The following SYNE1 variants were observed in gnomAD, a reference collection of about 807,000 sequenced individuals.
SYNE1 encodes the protein nesprin-1.
A neutral mutation model predicts 1,111.0 loss-of-function variants in SYNE1; 616 were observed. That is an observed-to-expected ratio of 0.55 (90% confidence interval 0.52 to 0.59). SYNE1 has a LOEUF of 0.59. Among genes scored for constraint, SYNE1 ranks in the 20% least tolerant of loss-of-function variants. SYNE1 has a pLI of 0.00. For missense variants in SYNE1, 10,006 were observed against 10,417.0 expected (o/e 0.96, Z 1.72); for synonymous variants, 3,855 against 3,825.8 (o/e 1.01, Z -0.28).
intron 95 of SYNE1, among the ~76,000 whole-genome samples, chr6:152,292,332 A>G (rs747899404): frequency 1.3e-5 from 2 of 152,178 alleles, no homozygotes; most frequent in African/African-American, 2.4e-5. Flanking sequence ...TCGTGCTTTC[A>G]TAGCATCCTC....
Position 152,294,117 on chromosome 6 carries a change from T to TA in SYNE1, c.17692dup (p.Tyr5898LeufsTer8). 6.2e-7 allele frequency: 1 copy of TA among 1,613,644 alleles called. No individual in the cohort carries two copies. The highest frequency in any genetic ancestry group is 8.5e-7 in the Non-Finnish European group (1 of 1,180,006). On this transcript the variant is annotated frameshift_variant, in exon 94 of 146. Coordinates refer to ENST00000367255, the MANE Select transcript of SYNE1 (RefSeq NM_182961.4). LOFTEE classifies it high-confidence loss of function. The stretch of plus-strand genomic sequence containing the variant: ...CCTCTCAGCAGACAAGGCTTGGTAA[T>TA]ATGCAATGTCCTGTGAGTGCAAAGC...
chr6:152,396,077 A>C (rs2097726965), intron 50 of SYNE1, among the ~76,000 whole-genome samples: 1 of 152,220 alleles, frequency 6.6e-6, no homozygotes, highest in African/African-American at 2.4e-5. Flanking sequence ...GTCAATGTGC[A>C]CTTTAATTTT....
chr6:152,423,713 A>G (rs79340080), intron 39 of SYNE1, among the ~76,000 whole-genome samples: 3,401 of 152,316 alleles, frequency 0.022, 50 homozygotes, highest in Non-Finnish European at 0.035. Flanking sequence ...TGTGGTCTAC[A>G]AGAAACCTCA....
At chr6:152,618,524 C>A (rs896918659) in intron 3 of SYNE1, among the ~76,000 whole-genome samples, 3 of 152,106 alleles carry the variant, frequency 2.0e-5, no homozygotes, top group Admixed American at 6.6e-5. Flanking sequence ...AGAAAGGAAG[C>A]AAATGAATGG....
intron 3 of SYNE1, among the ~76,000 whole-genome samples, chr6:152,604,481 T>C (rs1028024752): frequency 3.3e-5 from 5 of 152,040 alleles, no homozygotes; most frequent in African/African-American, 1.2e-4. Context: ...TTTTTCTATT[T>C]TTTGTAGCGA....
chr6:152,377,035 T>G, intron 56 of SYNE1, 123 bp from the exon 57 acceptor site: 1 of 1,263,514 alleles, frequency 7.9e-7, no homozygotes, highest in Non-Finnish European at 1.1e-6. Flanking sequence ...CATGGTAGAT[T>G]CAATGAAGAA....
chr6:152,462,841 C>T lies in SYNE1; in HGVS notation c.2147G>A (p.Cys716Tyr), dbSNP rs369355230. The T allele has an allele frequency of 1.1e-5, 18 of 1,613,900 alleles. No individual in the cohort carries two copies. In the South Asian group the frequency reaches 1.8e-4, roughly 16 times the overall value. The part of the protein sequence containing the change: ...MDRMKKEYTD[C>Y]VVTLSAFATE... ...TGCAAAAGCAGACAGGGTAACAACACAGTCTGTGTATTCCTTCTTCATTCT... is the reference window on the plus strand; with the variant it reads ...TGCAAAAGCAGACAGGGTAACAACATAGTCTGTGTATTCCTTCTTCATTCT... The change falls in exon 20 of 146, where the codon TGT becomes TAT. Residue 716 changes from cysteine (C) to tyrosine (Y), a missense_variant. By Grantham distance (194) the Cys-to-Tyr change is radical. This residue lies in a region of SYNE1 where 1,971 missense variants were observed against 2,084.1 expected (regional missense o/e 0.95). Transcript: ENST00000367255.
chr6:152,518,319 G>A (rs903225025), intron 6 of SYNE1, among the ~76,000 whole-genome samples: 6 of 151,648 alleles, frequency 4.0e-5, no homozygotes, highest in South Asian at 2.1e-4. Context: ...GGTGGGAAGC[G>A]ATTGAACAGG....
At chr6:152,132,027 G>A in intron 144 of SYNE1, 95 bp downstream of exon 144, 2 of 1,148,886 alleles carry the variant, frequency 1.7e-6, no homozygotes, top group South Asian at 1.2e-5. Context: ...CTCTGGAGGG[G>A]ACGCCTGCCT....
In SYNE1 at chr6:152,316,978, T is replaced by G. The variant is rs546319467; in HGVS notation, c.16581A>C (p.Ser5527=). ...GCATTTCATTGTATTCTTCTAAATGTGATGCTGCCTGAAAAACCAGTAACA... is the reference window on the plus strand; with the variant it reads ...GCATTTCATTGTATTCTTCTAAATGGGATGCTGCCTGAAAAACCAGTAACA... ...NRLSKLNQAA[S]HLEEYNEMLE... Residue 5527 remains serine (S), a synonymous_variant, in exon 87 of 146, where the codon TCA becomes TCC. Transcript: ENST00000367255. 6 of 1,613,944 alleles carry G rather than the reference T, an allele frequency of 3.7e-6. No individual in the cohort carries two copies. In the South Asian group the frequency reaches 6.6e-5, roughly 18 times the overall value.
rs1427724305 is a variant in SYNE1, at chr6:152,326,706, C to T, written c.14956-73G>A. 4 of 1,448,290 alleles carry T rather than the reference C, an allele frequency of 2.8e-6. No homozygotes were observed. In the African/African-American group the frequency reaches 4.2e-5, roughly 15 times the overall value. 89.7% of individuals were successfully genotyped at this position (1,448,290 alleles called of 1,614,324 possible). The stretch of plus-strand genomic sequence containing the variant: ...TTTGCAGGAAAGAGTTTTATTCACT[C>T]ATTTGTTTTCCAGTCCTTAGTCTCA... On this transcript the variant is annotated intron_variant, in intron 78 of 145. Coordinates refer to ENST00000367255, the MANE Select transcript of SYNE1 (RefSeq NM_182961.4).
At chr6:152,385,076 T>C (rs188929065) in intron 55 of SYNE1, among the ~76,000 whole-genome samples, 1 of 152,324 alleles carries the variant, frequency 6.6e-6, no homozygotes, top group Admixed American at 6.5e-5. Context: ...TCCTTCATTT[T>C]AATGTTAAAA....
At chr6:152,249,395 A>T in intron 104 of SYNE1, 133 bp from the exon 105 acceptor site, 1 of 704,222 alleles carries the variant, frequency 1.4e-6, no homozygotes, top group African/African-American at 1.8e-5. Flanking sequence ...ATACTGTGCT[A>T]TGGGAAGGTA....
intron 6 of SYNE1, among the ~76,000 whole-genome samples, chr6:152,519,801 A>G (rs1017451198): frequency 2.3e-4 from 35 of 152,208 alleles, no homozygotes; most frequent in African/African-American, 8.0e-4. Flanking sequence ...TACCATAGGA[A>G]AGCATGGCAG....
At chr6:152,304,254 G>A (rs1209602984) in intron 91 of SYNE1, among the ~76,000 whole-genome samples, 1 of 152,130 alleles carries the variant, frequency 6.6e-6, no homozygotes, top group Non-Finnish European at 1.5e-5. Flanking sequence ...CAGATTACTG[G>A]ACTCCTTGAA....
At chr6:152,206,948 G>A (rs946907413) in intron 125 of SYNE1, among the ~76,000 whole-genome samples, 1 of 152,162 alleles carries the variant, frequency 6.6e-6, no homozygotes, top group Non-Finnish European at 1.5e-5. Context: ...AGTGACTGGG[G>A]TTCACAGAAG....
chr6:152,260,919 T>G (rs1041953199), intron 101 of SYNE1, among the ~76,000 whole-genome samples: 1 of 152,070 alleles, frequency 6.6e-6, no homozygotes, highest in African/African-American at 2.4e-5. Context: ...TGCTGTGAGG[T>G]CCAGTTCCTA....
At chr6:152,218,432 T>A in intron 120 of SYNE1, 29 bp from the exon 121 acceptor site, 1 of 1,556,710 alleles carries the variant, frequency 6.4e-7, no homozygotes, top group South Asian at 1.1e-5. Context: ...AATTGGTATT[T>A]CAGTTAAAAA....
intron 127 of SYNE1, among the ~76,000 whole-genome samples, chr6:152,193,834 AC>A (rs1286788138): frequency 6.6e-6 from 1 of 151,342 alleles, no homozygotes; most frequent in Non-Finnish European, 1.5e-5. Context: ...ACACGGTGAA[AC>A]CCTGTCTCTA....
Sources: gnomAD v4.1 joint callset for allele counts (sites outside exome capture counted in the v4.1 genomes callset) on GRCh38, gnomAD v4.1.1 for gene constraint, gnomAD v4.1.1 regional missense constraint, MANE v1.5 for transcripts, NCBI Gene and HGNC (gene_info 2026-07-23, HGNC 2026-07-21) for gene names.